Variants in VAX2 observed in about 807,000 individuals in gnomAD.
VAX2 encodes the protein ventral anterior homeobox 2.
Under a neutral mutation model 12.5 loss-of-function variants are expected in VAX2, and 8 were observed. The observed-to-expected ratio is 0.64, with a 90% confidence interval of 0.37 to 1.15. The LOEUF (loss-of-function observed/expected upper bound fraction) is 1.15. VAX2 is among the 50% of genes most tolerant of loss of function. The pLI, the probability that VAX2 is intolerant of heterozygous loss-of-function variation, is 0.01. For missense variants in VAX2, 476 were observed against 412.9 expected (o/e 1.15, Z -1.32); for synonymous variants, 183 against 187.6 (o/e 0.98, Z 0.20).
At chr2:70,928,161 G>T (rs3771387) in intron 2 of VAX2, among the ~76,000 whole-genome samples, 2 of 152,224 alleles carry the variant, frequency 1.3e-5, no homozygotes, top group Admixed American at 6.5e-5. Context: ...CATTTGCAGG[G>T]CCCTGTGAAC....
intron 1 of VAX2, among the ~76,000 whole-genome samples, chr2:70,918,731 C>A (rs1242677185): frequency 4.6e-5 from 7 of 151,652 alleles, no homozygotes; most frequent in African/African-American, 1.7e-4. Context: ...CCCGTCTTTA[C>A]TAAAAATACA....
At chr2:70,914,946 G>A (rs890557894) in intron 1 of VAX2, among the ~76,000 whole-genome samples, 52 of 151,814 alleles carry the variant, frequency 3.4e-4, no homozygotes, top group African/African-American at 1.1e-3. Context: ...GATTAGAGGC[G>A]CACGCCACCA....
chr2:70,929,202 T>A (rs1679636535), intron 2 of VAX2, among the ~76,000 whole-genome samples: 1 of 152,220 alleles, frequency 6.6e-6, no homozygotes. Flanking sequence ...TACTGATATC[T>A]TCTTCAAATG....
chr2:70,921,001 C>T (rs750367234), intron 1 of VAX2, 97 bp from the exon 2 acceptor site: 128 of 1,372,666 alleles, frequency 9.3e-5, no homozygotes, highest in Non-Finnish European at 1.1e-4. Flanking sequence ...GCCTGAGGAG[C>T]TCTGCGATAG....
In VAX2 at chr2:70,900,886, G is replaced by T; in HGVS notation, c.247+18G>T. The T allele has an allele frequency of 2.2e-6, 3 of 1,378,308 alleles. No homozygotes were observed. The South Asian group carries it at 4.9e-5, about 23-fold the overall frequency. 85.4% of individuals were successfully genotyped at this position (1,378,308 alleles called of 1,614,324 possible). ...GGTGCGAGGTAAGGGGACAGCCCGCGGCCCTGCTCCACTGGACCCTCACCC... is the reference window on the plus strand; with the variant it reads ...GGTGCGAGGTAAGGGGACAGCCCGCTGCCCTGCTCCACTGGACCCTCACCC... On this transcript the variant is annotated intron_variant, in intron 1 of 2. Transcript: ENST00000234392.
chr2:70,912,700 A>T (rs1679216273), intron 1 of VAX2, among the ~76,000 whole-genome samples: 1 of 152,060 alleles, frequency 6.6e-6, no homozygotes, highest in African/African-American at 2.4e-5. Flanking sequence ...TCGTGCAAAG[A>T]GACTACCTAG....
intron 1 of VAX2, among the ~76,000 whole-genome samples, chr2:70,912,692 G>A (rs1454855052): frequency 6.6e-6 from 1 of 152,056 alleles, no homozygotes; most frequent in Non-Finnish European, 1.5e-5. Context: ...TCAGCTTATC[G>A]TGCAAAGAGA....
At chr2:70,932,166 C>A (rs1679707180) in intron 2 of VAX2, among the ~76,000 whole-genome samples, 1 of 152,164 alleles carries the variant, frequency 6.6e-6, no homozygotes, top group African/African-American at 2.4e-5. Context: ...CTGTTCTAGG[C>A]AGCTGGGAGA....
intron 2 of VAX2, among the ~76,000 whole-genome samples, chr2:70,927,735 TCA>T (rs1173552632): frequency 6.6e-6 from 1 of 151,880 alleles, no homozygotes; most frequent in African/African-American, 2.4e-5. Context: ...CGGCCATGGA[TCA>T]CAGTGTGGCC....
At position 70,900,615 on chromosome 2, in the gene VAX2, G is replaced by A; in HGVS notation, c.-7G>A. The A allele has an allele frequency of 7.9e-7, 1 of 1,260,030 alleles. No homozygotes were observed. The highest frequency in any genetic ancestry group is 1.0e-6 in the Non-Finnish European group (1 of 1,002,726). 78.1% of individuals were successfully genotyped at this position (1,260,030 alleles called of 1,614,324 possible). A position where few individuals can be genotyped will look rare whatever the true frequency, so the allele number is the denominator to read the frequency against. On this transcript the variant is annotated 5_prime_UTR_variant, in exon 1 of 3. Transcript: ENST00000234392. Reference sequence around the variant, plus strand: ...CCGCCGTAGAGGGGTTGGCAGTGGCGGTCAGCATGGGCGATGGGGGCGCCG... The same window carrying A: ...CCGCCGTAGAGGGGTTGGCAGTGGCAGTCAGCATGGGCGATGGGGGCGCCG...
At position 70,900,868 on chromosome 2, in the gene VAX2, G is replaced by T; in HGVS notation, c.247G>T (p.Asp83Tyr). The stretch of plus-strand genomic sequence containing the variant: ...CCACTGCCGCCGCATACTGGTGCGA[G>T]GTAAGGGGACAGCCCGCGGCCCTGC... ...ADHCRRILVR[D>Y]AKGTIREIVL... Residue 83 changes from aspartate to tyrosine, a missense_variant and splice_region_variant, in exon 1 of 3, where the codon GAT becomes TAT. By Grantham distance (160) the Asp-to-Tyr change is radical. Coordinates refer to ENST00000234392, the MANE Select transcript of VAX2 (RefSeq NM_012476.3). The T allele has an allele frequency of 7.1e-7, 1 of 1,411,776 alleles. No homozygotes were observed. The highest frequency in any genetic ancestry group is 3.0e-5 in the East Asian group (1 of 33,656). 87.5% of individuals were successfully genotyped at this position (1,411,776 alleles called of 1,614,324 possible).
At position 70,932,798 on chromosome 2, in the gene VAX2, A is replaced by T. The variant is rs782459139; in HGVS notation, c.467A>T (p.Lys156Met). The T allele has an allele frequency of 3.1e-6, 5 of 1,597,238 alleles. No homozygotes were observed. The highest frequency in any genetic ancestry group is 3.4e-6 in the Non-Finnish European group (4 of 1,170,860). Residue 156 changes from lysine to methionine, a missense_variant, in exon 3 of 3, where the codon AAG becomes ATG. Lys to Met is a moderately conservative substitution (Grantham distance 95). Coordinates refer to ENST00000234392, the MANE Select transcript of VAX2 (RefSeq NM_012476.3). Reference sequence around the variant, plus strand: ...GTCTGGTTCCAGAACCGCCGCACCAAGCAGAAGAAAGACCAGAGCAGAGAC... The same window carrying T: ...GTCTGGTTCCAGAACCGCCGCACCATGCAGAAGAAAGACCAGAGCAGAGAC... ...VKVWFQNRRT[K>M]QKKDQSRDLE...
intron 1 of VAX2, among the ~76,000 whole-genome samples, chr2:70,903,133 C>T (rs1678970418): frequency 6.6e-6 from 1 of 152,182 alleles, no homozygotes. Flanking sequence ...ATGAAACAGG[C>T]CTGGCACTGG....
intron 1 of VAX2, among the ~76,000 whole-genome samples, chr2:70,905,080 G>A (rs528604148): frequency 1.3e-5 from 2 of 152,146 alleles, no homozygotes; most frequent in South Asian, 4.2e-4. Context: ...CTCGCTTTCT[G>A]CTTGGATTAC....
chr2:70,923,693 G>T (rs762896310), intron 2 of VAX2, among the ~76,000 whole-genome samples: 1 of 152,210 alleles, frequency 6.6e-6, no homozygotes, highest in Non-Finnish European at 1.5e-5. Flanking sequence ...TAAATGACAC[G>T]AGTGAGGAAG....
At chr2:70,916,286 G>A (rs1553411941) in intron 1 of VAX2, among the ~76,000 whole-genome samples, 1 of 152,158 alleles carries the variant, frequency 6.6e-6, no homozygotes, top group African/African-American at 2.4e-5. Context: ...TCTGTAGATG[G>A]CATTTTACAA....
At chr2:70,919,842 C>A (rs1488859422) in intron 1 of VAX2, among the ~76,000 whole-genome samples, 1 of 152,176 alleles carries the variant, frequency 6.6e-6, no homozygotes, top group Non-Finnish European at 1.5e-5. Context: ...GAGAGTGAGA[C>A]CCTGTCTCAA....
At position 70,930,210 on chromosome 2, in the gene VAX2, TAAAG is replaced by T. The variant is rs1286300506; in HGVS notation, c.436-2553_436-2550del. 2.1e-5 allele frequency among the ~76,000 whole-genome samples: 3 copies of T among 145,098 alleles called. No homozygotes were observed. In the Admixed American group the frequency reaches 2.1e-4, roughly 10 times the overall value. On this transcript the variant is annotated intron_variant, in intron 2 of 2. Transcript: ENST00000234392. ...AACACTTTGTCTCTAAAAACAAAAA[TAAAG>T]AAATAAACTCAATCCAATGTCCTTC...
At position 70,900,868 on chromosome 2, in the gene VAX2, G is replaced by A. The variant is rs782819912; in HGVS notation, c.247G>A (p.Asp83Asn). ...CCACTGCCGCCGCATACTGGTGCGA[G>A]GTAAGGGGACAGCCCGCGGCCCTGC... ...ADHCRRILVR[D>N]AKGTIREIVL... is the part of the protein sequence containing the mutation. The change falls in exon 1 of 3, where the codon GAT (aspartate) becomes AAT (asparagine). Residue 83 changes from aspartate (D) to asparagine (N), a missense_variant and splice_region_variant. Physicochemically the swap from Asp to Asn is conservative, Grantham distance 23 (BLOSUM62 1). Transcript: ENST00000234392. 9.8e-5 allele frequency: 139 copies of A among 1,411,658 alleles called. No individual in the cohort carries two copies. The highest frequency in any genetic ancestry group is 3.0e-5 in the East Asian group (1 of 33,668). 87.4% of individuals were successfully genotyped at this position (1,411,658 alleles called of 1,614,324 possible). A position where few individuals can be genotyped will look rare whatever the true frequency, so the allele number is the denominator to read the frequency against.
Sources: gnomAD v4.1 joint callset for allele counts (sites outside exome capture counted in the v4.1 genomes callset) on GRCh38, gnomAD v4.1.1 for gene constraint, MANE v1.5 for transcripts, NCBI Gene and HGNC (gene_info 2026-07-23, HGNC 2026-07-21) for gene names.